Variants in NBAS observed in about 807,000 individuals in gnomAD.
The protein encoded by NBAS is NBAS subunit of NRZ tethering complex.
In NBAS, 219 loss-of-function variants were observed where a neutral mutation model predicts 302.5. The observed-to-expected ratio is 0.72, with a 90% CI of 0.65 to 0.81. The LOEUF (loss-of-function observed/expected upper bound fraction) is 0.81, where lower values mean the gene tolerates loss of function less well. Ranked by LOEUF, NBAS falls within the 30% of genes least tolerant of loss-of-function variation. NBAS has a pLI of 0.00. For missense variants in NBAS, 2,932 were observed against 2,841.6 expected (o/e 1.03, Z -0.72); for synonymous variants, 1,118 against 1,021.6 (o/e 1.09, Z -1.80).
chr2:15,208,795 A>G (rs1666268781), intron 48 of NBAS, among the ~76,000 whole-genome samples: 1 of 152,220 alleles, frequency 6.6e-6, no homozygotes, highest in African/African-American at 2.4e-5. Flanking sequence ...GGTTACTGTA[A>G]AAGCAGGACT....
At chr2:15,015,996 G>A in the NBAS span, among the ~76,000 whole-genome samples, 36 of 151,800 alleles carry the variant, frequency 2.4e-4, no homozygotes, top group African/African-American at 7.5e-4. Flanking sequence ...TGAACCAACC[G>A]GAAAAGAAAT....
chr2:15,487,643 C>T (rs1440499412), intron 12 of NBAS, among the ~76,000 whole-genome samples: 1 of 152,222 alleles, frequency 6.6e-6, no homozygotes, highest in Non-Finnish European at 1.5e-5. Flanking sequence ...AGCTCTTGAA[C>T]AGCCAAGTGG....
intron 44 of NBAS, among the ~76,000 whole-genome samples, chr2:15,245,240 G>A (rs12692258): frequency 0.24 from 35,922 of 151,754 alleles, 4,557 homozygotes; most frequent in Middle Eastern, 0.4. Context: ...CCCTCACCCT[G>A]CCTCTCTGAT....
the NBAS span, among the ~76,000 whole-genome samples, chr2:14,955,616 A>G: frequency 6.6e-6 from 1 of 152,338 alleles, no homozygotes; most frequent in Admixed American, 6.5e-5. Flanking sequence ...CCCAACCTCA[A>G]TTCTTGACTT....
chr2:14,952,301 A>C, the NBAS span, among the ~76,000 whole-genome samples: 1 of 152,222 alleles, frequency 6.6e-6, no homozygotes, highest in Non-Finnish European at 1.5e-5. Context: ...AGAGCCCCAA[A>C]GGCTTCCATC....
intron 44 of NBAS, among the ~76,000 whole-genome samples, chr2:15,264,441 T>C (rs113231626): frequency 0.021 from 3,253 of 152,250 alleles, 82 homozygotes; most frequent in African/African-American, 0.053. Flanking sequence ...ATGATTGTAC[T>C]GCGTACATGG....
intron 19 of NBAS, among the ~76,000 whole-genome samples, chr2:15,466,860 C>T (rs544337239): frequency 6.6e-6 from 1 of 151,160 alleles, no homozygotes; most frequent in East Asian, 1.9e-4. Flanking sequence ...TCGCCTGAAC[C>T]CAGGAGGCAG....
chr2:15,422,117 C>G (rs1677241571), intron 23 of NBAS, among the ~76,000 whole-genome samples: 1 of 152,210 alleles, frequency 6.6e-6, no homozygotes, highest in South Asian at 2.1e-4. Flanking sequence ...CCTGTGTGCT[C>G]TGTCCGTTCA....
At chr2:15,255,268 A>G (rs1668541856) in intron 44 of NBAS, among the ~76,000 whole-genome samples, 2 of 152,168 alleles carry the variant, frequency 1.3e-5, no homozygotes. Flanking sequence ...TTTTGCAGGA[A>G]TAAGGTGGCA....
At chr2:15,202,040 G>A (rs906647847) in intron 48 of NBAS, among the ~76,000 whole-genome samples, 1 of 152,218 alleles carries the variant, frequency 6.6e-6, no homozygotes, top group Non-Finnish European at 1.5e-5. Flanking sequence ...AGGAAAATGA[G>A]TGCCTGTTTA....
chr2:15,182,417 A>C (rs1664869228), intron 50 of NBAS, among the ~76,000 whole-genome samples: 1 of 152,202 alleles, frequency 6.6e-6, no homozygotes, highest in African/African-American at 2.4e-5. Context: ...AACTTGACTG[A>C]TTCTAAAAAT....
At chr2:14,912,715 A>T in the NBAS span, among the ~76,000 whole-genome samples, 74 of 65,168 alleles carry the variant, frequency 1.1e-3, no homozygotes, top group African/African-American at 8.3e-3. Flanking sequence ...AAAAAAAAAA[A>T]AAAAAAAAAA....
At chr2:14,957,121 C>G in the NBAS span, among the ~76,000 whole-genome samples, 3 of 152,110 alleles carry the variant, frequency 2.0e-5, no homozygotes, top group Non-Finnish European at 4.4e-5. Flanking sequence ...GGGCCTGGAA[C>G]ATATTCTCCA....
chr2:15,189,527 A>C (rs947321461), intron 49 of NBAS, among the ~76,000 whole-genome samples: 7 of 151,598 alleles, frequency 4.6e-5, no homozygotes, highest in African/African-American at 1.7e-4. Flanking sequence ...ATTGGTGCTC[A>C]TATCATTTGC....
At chr2:15,449,679 C>T (rs1444903724) in intron 21 of NBAS, among the ~76,000 whole-genome samples, 2 of 152,092 alleles carry the variant, frequency 1.3e-5, no homozygotes, top group Non-Finnish European at 2.9e-5. Context: ...ACCAATTACC[C>T]CTACCACCAG....
rs557167461 is a variant in NBAS, at chr2:15,367,990, A to C, written c.3704-1297T>G. ...CACACAGGAATATGTATATACACAC[A>C]CAAATACTTATACATGTACAAATAC... On this transcript the variant is annotated intron_variant, in intron 31 of 51. Coordinates refer to ENST00000281513, the MANE Select transcript of NBAS (RefSeq NM_015909.4). 2.0e-5 allele frequency among the ~76,000 whole-genome samples: 3 copies of C among 152,290 alleles called. 1 individual carries two copies. The South Asian group carries it at 6.2e-4, about 32-fold the overall frequency.
chr2:14,945,021 T>A, the NBAS span, among the ~76,000 whole-genome samples: 199 of 152,220 alleles, frequency 1.3e-3, no homozygotes, highest in Non-Finnish European at 2.5e-3. Flanking sequence ...AGGGCGACCA[T>A]CCCCATCCCT....
chr2:15,383,701 A>G (rs908145577), intron 28 of NBAS, among the ~76,000 whole-genome samples: 10 of 152,340 alleles, frequency 6.6e-5, no homozygotes, highest in Admixed American at 2.0e-4. Flanking sequence ...TTGGTTTCAA[A>G]TTCCATCTTC....
chr2:15,316,281 C>T (rs956239862), intron 38 of NBAS, among the ~76,000 whole-genome samples: 4 of 152,202 alleles, frequency 2.6e-5, no homozygotes, highest in Admixed American at 6.5e-5. Context: ...GGAACAGCTC[C>T]GCTCTGCAGC....
Sources: allele counts gnomAD v4.1 joint callset (sites outside exome capture counted in the v4.1 genomes callset), GRCh38; gene constraint gnomAD v4.1.1; transcripts MANE v1.5; gene names NCBI Gene and HGNC (gene_info 2026-07-23, HGNC 2026-07-21).